Variants in TENM3 observed in about 807,000 individuals in gnomAD.
TENM3 encodes teneurin-3.
A neutral mutation model predicts 255.1 loss-of-function variants in TENM3; 63 were observed. The observed-to-expected ratio is 0.25, with a 90% CI of 0.20 to 0.30. The LOEUF is 0.30. Ranked by LOEUF, TENM3 falls within the 10% of genes least tolerant of loss-of-function variation. The pLI is 1.00. For synonymous variants in TENM3, 1,306 were observed against 1,322.3 expected, an observed-to-expected ratio of 0.99 and a Z score of 0.27; for missense variants, 2,929 against 3,461.1, an observed-to-expected ratio of 0.85 and a Z score of 3.86.
intron 3 of TENM3, among the ~76,000 whole-genome samples, chr4:182,500,768 A>G (rs963803540): frequency 6.6e-6 from 1 of 152,178 alleles, no homozygotes; most frequent in Non-Finnish European, 1.5e-5. Context: ...TCAATGGCCA[A>G]CAGGATAGAG....
In TENM3 at chr4:182,431,351, G is replaced by T. The variant is rs138806618; in HGVS notation, c.511+84422G>T. On this transcript the variant is annotated intron_variant, in intron 3 of 27. Transcript: ENST00000511685. ...TCTACTAAAAATACAAAAATTAGCT[G>T]GGCGTGGTGGCACATGCCTGTAGTC... is the stretch of plus-strand genomic sequence containing the variant. 7.8e-3 allele frequency among the ~76,000 whole-genome samples: 1,190 copies of T among 151,806 alleles called. 18 individuals are homozygous for T. Among genetic ancestry groups the T allele is most frequent in the African/African-American group, 0.028 (1,142 of 41,408 alleles).
the TENM3 span, among the ~76,000 whole-genome samples, chr4:181,699,779 T>G: frequency 1.3e-5 from 2 of 152,164 alleles, no homozygotes; most frequent in Non-Finnish European, 2.9e-5. Context: ...GAAAGAAAAT[T>G]GGATATGCCC....
intron 3 of TENM3, among the ~76,000 whole-genome samples, chr4:182,372,129 A>C (rs1766862218): frequency 6.6e-6 from 1 of 152,208 alleles, no homozygotes; most frequent in African/African-American, 2.4e-5. Context: ...GTTAGAAGAC[A>C]GCTGTTGGGG....
intron 3 of TENM3, among the ~76,000 whole-genome samples, chr4:182,383,765 C>G (rs1461611974): frequency 6.6e-6 from 1 of 152,090 alleles, no homozygotes; most frequent in Non-Finnish European, 1.5e-5. Flanking sequence ...TGCTTCAAGG[C>G]TACAGTAACC....
chr4:181,467,149 A>AGGG, the TENM3 span, among the ~76,000 whole-genome samples: 1 of 83,016 alleles, frequency 1.2e-5, no homozygotes, highest in East Asian at 3.3e-4. Context: ...TTTTTTTTTT[A>AGGG]GGCAGAGTCT....
intron 12 of TENM3, among the ~76,000 whole-genome samples, chr4:182,708,603 TC>T (rs1280052379): frequency 1.8e-4 from 27 of 152,026 alleles, no homozygotes; most frequent in Non-Finnish European, 2.8e-4. Flanking sequence ...ATCGAGACCA[TC>T]CTGGCTAACA....
the TENM3 span, among the ~76,000 whole-genome samples, chr4:182,023,533 T>A: frequency 4.6e-5 from 7 of 152,148 alleles, no homozygotes; most frequent in African/African-American, 7.2e-5. Context: ...ATAGATTATA[T>A]CATAGGGAGG....
chr4:181,555,651 T>G, the TENM3 span, among the ~76,000 whole-genome samples: 1 of 152,182 alleles, frequency 6.6e-6, no homozygotes, highest in African/African-American at 2.4e-5. Flanking sequence ...TAGTTCAAGT[T>G]TAGGTTGCAG....
intron 4 of TENM3, among the ~76,000 whole-genome samples, chr4:182,616,264 A>G (rs891822057): frequency 7.9e-5 from 12 of 151,418 alleles, no homozygotes; most frequent in African/African-American, 1.5e-4. Context: ...TCATTGTTCA[A>G]TTACCACCTA....
chr4:181,503,081 C>G, the TENM3 span, among the ~76,000 whole-genome samples: 1 of 152,158 alleles, frequency 6.6e-6, no homozygotes, highest in East Asian at 1.9e-4. Context: ...GATCATTCAG[C>G]TGGACATGCA....
At chr4:182,428,480 A>G (rs1165725264) in intron 3 of TENM3, among the ~76,000 whole-genome samples, 1 of 151,376 alleles carries the variant, frequency 6.6e-6, no homozygotes, top group Non-Finnish European at 1.5e-5. Flanking sequence ...CAAAGATAGG[A>G]TCTGATCAAT....
At chr4:182,086,319 G>A in the TENM3 span, among the ~76,000 whole-genome samples, 3 of 152,266 alleles carry the variant, frequency 2.0e-5, no homozygotes, top group East Asian at 5.8e-4. Context: ...CCTCTATACA[G>A]TGCAGGAATA....
the TENM3 span, among the ~76,000 whole-genome samples, chr4:181,965,216 A>T: frequency 6.6e-6 from 1 of 152,242 alleles, no homozygotes; most frequent in Non-Finnish European, 1.5e-5. Flanking sequence ...ATTTTAAAAA[A>T]ATAATAATAA....
chr4:182,563,684 C>T (rs1441934572), intron 3 of TENM3, among the ~76,000 whole-genome samples: 2 of 152,096 alleles, frequency 1.3e-5, no homozygotes, highest in Non-Finnish European at 2.9e-5. Context: ...GAAGTCATTC[C>T]TACACATTAA....
Position 182,800,485 on chromosome 4 carries a change from CCG to C in TENM3, c.*137_*138del, listed in dbSNP as rs933233577. The stretch of plus-strand genomic sequence containing the variant: ...ACTGCTGTTACGACCCACACCCACA[CCG>C]CGAAAACAAGGACCGCTTTTTTCCG... On this transcript the variant is annotated 3_prime_UTR_variant, in exon 28 of 28. Transcript: ENST00000511685. 6 of 1,153,046 alleles carry C rather than the reference CCG, an allele frequency of 5.2e-6. No homozygotes were observed. In the African/African-American group the frequency reaches 9.5e-5, roughly 18 times the overall value. 71.4% of individuals were successfully genotyped at this position (1,153,046 alleles called of 1,614,324 possible). A position where few individuals can be genotyped will look rare whatever the true frequency, so the allele number is the denominator to read the frequency against.
chr4:182,300,628 G>A (rs565619299), intron 1 of TENM3, among the ~76,000 whole-genome samples: 1 of 152,284 alleles, frequency 6.6e-6, no homozygotes, highest in Non-Finnish European at 1.5e-5. Context: ...CCTTGCACTT[G>A]CTATGTCTCC....
At chr4:182,262,044 T>C (rs558177569) in intron 1 of TENM3, among the ~76,000 whole-genome samples, 1 of 152,186 alleles carries the variant, frequency 6.6e-6, no homozygotes, top group African/African-American at 2.4e-5. Context: ...TATCAATGTT[T>C]CCTTTGTAAA....
chr4:181,826,317 T>A, the TENM3 span, among the ~76,000 whole-genome samples: 1 of 152,158 alleles, frequency 6.6e-6, no homozygotes, highest in Admixed American at 6.5e-5. Context: ...AAAACAATTG[T>A]TAGATGTTGG....
the TENM3 span, among the ~76,000 whole-genome samples, chr4:181,873,741 GGTGTGT>G: frequency 4.5e-4 from 66 of 148,300 alleles, no homozygotes; most frequent in Non-Finnish European, 4.9e-4. Flanking sequence ...TCTTGAGTAT[GGTGTGT>G]GTGTGTGTGT....
Sources: gnomAD v4.1 joint callset for allele counts (sites outside exome capture counted in the v4.1 genomes callset) on GRCh38, gnomAD v4.1.1 for gene constraint, MANE v1.5 for transcripts, NCBI Gene and HGNC (gene_info 2026-07-23, HGNC 2026-07-21) for gene names.